The following FAM200B variants were observed in gnomAD, a reference collection of about 807,000 sequenced individuals.
FAM200B encodes the protein protein FAM200B.
FAM200B carries 32 observed loss-of-function variants against 33.1 expected under a neutral mutation model. The ratio of observed to expected loss-of-function variants is 0.97; its 90% CI spans 0.73 to 1.30. FAM200B has a LOEUF of 1.30. FAM200B is among the 50% of genes most tolerant of loss of function. The probability of loss-of-function intolerance (pLI) is 0.00; values close to 1 mark genes in which losing one functional copy is unlikely to be tolerated. For missense variants in FAM200B, 741 were observed against 754.0 expected (o/e 0.98, Z 0.20); for synonymous variants, 240 against 264.8 (o/e 0.91, Z 0.91).
At chr4:15,669,696 T>C in the FAM200B span, among the ~76,000 whole-genome samples, 3,617 of 152,308 alleles carry the variant, frequency 0.024, 70 homozygotes, top group Middle Eastern at 0.048. Flanking sequence ...TTTCACACTA[T>C]GAAAAGTTAT....
rs1334744726 is a variant in FAM200B at position 15,689,830 on chromosome 4, A to C, written c.*879A>C. On this transcript the variant is annotated 3_prime_UTR_variant, in exon 2 of 2. Transcript: ENST00000422728. The stretch of plus-strand genomic sequence containing the variant: ...AAACCTTTTCTAACCACCCTAGGGT[A>C]AATCCTCCATTATTCCTTTATTTCT... 1.8e-5 allele frequency: 3 copies of C among 167,018 alleles called. No homozygotes were observed. The highest frequency in any genetic ancestry group is 4.4e-5 in the Non-Finnish European group (3 of 68,108). 10.3% of individuals were successfully genotyped at this position (167,018 alleles called of 1,614,324 possible).
the FAM200B span, among the ~76,000 whole-genome samples, chr4:15,665,897 C>A: frequency 6.6e-6 from 1 of 152,058 alleles, no homozygotes; most frequent in Non-Finnish European, 1.5e-5. Context: ...GAATCTGGAT[C>A]ACAAGTGAAC....
rs1719175061 is a variant in FAM200B, at chr4:15,689,073, T to G, written c.*122T>G. ...TTGTTATGTTTTAATTTTTGTTATA[T>G]TTAATAAAATTATTTTATGTTCATT... is the stretch of plus-strand genomic sequence containing the variant. On this transcript the variant is annotated 3_prime_UTR_variant, in exon 2 of 2. Coordinates refer to ENST00000422728, the MANE Select transcript of FAM200B (RefSeq NM_001145191.2). 1.3e-6 allele frequency: 1 copy of G among 765,718 alleles called. No individual in the cohort carries two copies. The highest frequency in any genetic ancestry group is 1.8e-5 in the African/African-American group (1 of 55,084). The allele number at this position is 765,718 out of a possible 1,614,324, so 47.4% of individuals were successfully genotyped here.
At chr4:15,643,258 C>G in the FAM200B span, among the ~76,000 whole-genome samples, 1 of 152,146 alleles carries the variant, frequency 6.6e-6, no homozygotes. Context: ...TTAGTCTTTT[C>G]TTTATCTTTA....
At chr4:15,655,369 G>C in the FAM200B span, 6 of 1,117,358 alleles carry the variant, frequency 5.4e-6, no homozygotes, top group Non-Finnish European at 6.7e-6. Context: ...GAGGCGGCGC[G>C]CCCCCTTGCG....
chr4:15,668,771 GT>G, the FAM200B span, among the ~76,000 whole-genome samples: 1 of 152,124 alleles, frequency 6.6e-6, no homozygotes, highest in Non-Finnish European at 1.5e-5. Context: ...ACTATTGTTA[GT>G]GATAAAGCCT....
At chr4:15,676,296 A>G in the FAM200B span, among the ~76,000 whole-genome samples, 5 of 152,210 alleles carry the variant, frequency 3.3e-5, no homozygotes, top group African/African-American at 1.2e-4. Flanking sequence ...GAACCTAATC[A>G]AGCATCTAAA....
At chr4:15,656,434 C>A in the FAM200B span, 1 of 381,716 alleles carries the variant, frequency 2.6e-6, no homozygotes, top group Non-Finnish European at 5.2e-6. Flanking sequence ...TCCAGGAGGG[C>A]AAGAACCAGA....
chr4:15,688,507 G>A lies in FAM200B; in HGVS notation c.1530G>A (p.Leu510=), dbSNP rs540001748. ...ILKEIKLEIL[L]HLTSLSQTFN... is the part of the protein sequence containing the mutation. The stretch of plus-strand genomic sequence containing the variant: ...AAGAAATAAAATTAGAGATATTGTT[G>A]CATCTCACTTCTCTGTCTCAAACTT... The change falls in exon 2 of 2, where the codon TTG becomes TTA. Residue 510 remains leucine, a synonymous_variant. Coordinates refer to ENST00000422728, the MANE Select transcript of FAM200B (RefSeq NM_001145191.2). 33 of 1,542,268 alleles carry A rather than the reference G, an allele frequency of 2.1e-5. No homozygotes were observed. The African/African-American group carries it at 3.3e-4, about 15-fold the overall frequency.
At chr4:15,677,248 T>C (rs370365497), upstream of FAM200B, among the ~76,000 whole-genome samples, 3 of 152,240 alleles carry the variant, frequency 2.0e-5, no homozygotes, top group Middle Eastern at 3.2e-3. Context: ...GTTCGTCTTA[T>C]TACTCTTCTG....
chr4:15,677,675 C>G (rs1194512064), upstream of FAM200B, among the ~76,000 whole-genome samples: 1 of 152,196 alleles, frequency 6.6e-6, no homozygotes, highest in Non-Finnish European at 1.5e-5. Context: ...GTTTTGCACC[C>G]TCTGTCCTCC....
At position 15,686,754 on chromosome 4, in the gene FAM200B, G is replaced by C; in HGVS notation, c.-224G>C. On this transcript the variant is annotated 5_prime_UTR_variant, in exon 2 of 2. Coordinates refer to ENST00000422728, the MANE Select transcript of FAM200B (RefSeq NM_001145191.2). ...AAATGGTTTTCAGTCATTGATTCCT[G>C]GGTGTCTTGCTTGATTTTCATAATA... is the stretch of plus-strand genomic sequence containing the variant. The C allele has an allele frequency of 3.3e-6, 1 of 306,098 alleles. No individual in the cohort carries two copies. Among genetic ancestry groups the C allele is most frequent in the Non-Finnish European group, 6.0e-6 (1 of 166,334 alleles). 19.0% of individuals were successfully genotyped at this position (306,098 alleles called of 1,614,324 possible).
At chr4:15,670,458 A>G in the FAM200B span, among the ~76,000 whole-genome samples, 6 of 152,212 alleles carry the variant, frequency 3.9e-5, no homozygotes, top group Non-Finnish European at 7.3e-5. Flanking sequence ...TTACCATCAT[A>G]TCTTTTTTCA....
chr4:15,662,670 T>C, the FAM200B span, among the ~76,000 whole-genome samples: 3 of 152,214 alleles, frequency 2.0e-5, no homozygotes, highest in African/African-American at 7.2e-5. Context: ...TAAAAATTGT[T>C]TTTTTCAATA....
At chr4:15,672,761 TTTTC>T in the FAM200B span, among the ~76,000 whole-genome samples, 1 of 152,172 alleles carries the variant, frequency 6.6e-6, no homozygotes, top group African/African-American at 2.4e-5. Flanking sequence ...TTTAAAATGT[TTTTC>T]TTCAACAGTA....
chr4:15,655,191 A>C, the FAM200B span: 1 of 1,388,432 alleles, frequency 7.2e-7, no homozygotes. Context: ...CGGGAGGCTC[A>C]GCGCTCCGTT....
the FAM200B span, among the ~76,000 whole-genome samples, chr4:15,652,887 T>C: frequency 5.2e-3 from 462 of 88,232 alleles, 3 homozygotes; most frequent in African/African-American, 0.021. Context: ...TATTGTAAAC[T>C]GTTTGGTTGG....
chr4:15,636,975 G>A, the FAM200B span, among the ~76,000 whole-genome samples: 2 of 152,150 alleles, frequency 1.3e-5, no homozygotes, highest in Non-Finnish European at 2.9e-5. Flanking sequence ...TCACTTTGTA[G>A]CATTAAGCAG....
chr4:15,662,272 C>T, the FAM200B span, among the ~76,000 whole-genome samples: 2 of 150,326 alleles, frequency 1.3e-5, no homozygotes, highest in South Asian at 2.1e-4. Context: ...AGGCTCCTTC[C>T]ACGGCTCTAC....
Sources: gnomAD v4.1 joint callset for allele counts (sites outside exome capture counted in the v4.1 genomes callset) on GRCh38, gnomAD v4.1.1 for gene constraint, MANE v1.5 for transcripts, NCBI Gene and HGNC (gene_info 2026-07-23, HGNC 2026-07-21) for gene names.